The following SEMA6D variants were observed in gnomAD, a reference collection of about 807,000 sequenced individuals.
SEMA6D encodes the protein semaphorin 6D, also known as semaphorin-6D.
SEMA6D carries 35 observed loss-of-function variants against 106.6 expected under a neutral mutation model. That is an observed-to-expected ratio of 0.33 (90% CI 0.25 to 0.44). SEMA6D has a LOEUF of 0.44. SEMA6D is among the 20% of genes least tolerant of loss of function. The pLI is 1.00. For missense variants in SEMA6D, 1,185 were observed against 1,345.9 expected, an observed-to-expected ratio of 0.88 and a Z score of 1.87; for synonymous variants, 499 against 487.7, an observed-to-expected ratio of 1.02 and a Z score of -0.31.
chr15:47,727,359 A>T (rs2079824126), intron 1 of SEMA6D, among the ~76,000 whole-genome samples: 1 of 152,176 alleles, frequency 6.6e-6, no homozygotes, highest in Admixed American at 6.5e-5. Flanking sequence ...TTTAAGGAAC[A>T]CTTCAGGTAA....
intron 1 of SEMA6D, among the ~76,000 whole-genome samples, chr15:47,219,895 G>A (rs1414395718): frequency 6.6e-6 from 1 of 152,144 alleles, no homozygotes; most frequent in Admixed American, 6.5e-5. Flanking sequence ...CAGCTTTAGC[G>A]ATCTTAGTTG....
chr15:47,573,899 C>G (rs2076110216), intron 3 of SEMA6D, among the ~76,000 whole-genome samples: 1 of 152,212 alleles, frequency 6.6e-6, no homozygotes, highest in Non-Finnish European at 1.5e-5. Context: ...TTCAACATAT[C>G]CCTCATTTCT....
intron 4 of SEMA6D, among the ~76,000 whole-genome samples, chr15:47,616,402 C>T (rs1211941683): frequency 1.3e-5 from 2 of 151,960 alleles, no homozygotes; most frequent in East Asian, 1.9e-4. Context: ...GATCTCCTGA[C>T]CTTGTGGTCC....
At chr15:47,215,153 A>G in intron 1 of SEMA6D, among the ~76,000 whole-genome samples, 1 of 148,804 alleles carries the variant, frequency 6.7e-6, no homozygotes, top group East Asian at 1.9e-4. Context: ...TTAAATTCAA[A>G]CAAACATCTG....
At position 47,760,350 on chromosome 15, in the gene SEMA6D, A is replaced by G; in HGVS notation, c.156A>G (p.Glu52=). Residue 52 remains glutamate, a synonymous_variant, in exon 3 of 19, where the codon GAA becomes GAG. Coordinates refer to ENST00000536845, the MANE Select transcript of SEMA6D (RefSeq NM_001358351.3). The part of the protein sequence containing the change: ...PVFRGRPSGN[E]SQHRLDFQLM... The stretch of plus-strand genomic sequence containing the variant: ...TTAGAGGACGCCCTTCAGGCAATGA[A>G]TCGCAGCACAGGCTGGACTTTCAGC... 6.2e-7 allele frequency: 1 copy of G among 1,613,688 alleles called. No individual in the cohort carries two copies. Among genetic ancestry groups the G allele is most frequent in the Non-Finnish European group, 8.5e-7 (1 of 1,179,680 alleles).
chr15:47,631,957 C>T (rs556758513), intron 4 of SEMA6D, among the ~76,000 whole-genome samples: 1 of 152,080 alleles, frequency 6.6e-6, no homozygotes, highest in South Asian at 2.1e-4. Context: ...TTAGCTGCAT[C>T]CCACATAATT....
rs779430400 is a variant in SEMA6D, at chr15:47,620,746, T to C, written c.-55+19850T>C. On this transcript the variant is annotated intron_variant, in intron 4 of 19. Coordinates refer to the SEMA6D transcript ENST00000558014. ...TATATATATTCTTTGTGCAAATATT[T>C]TATTGTGAGTGTGGGTTTTTTTTAA... 2.7e-3 allele frequency among the ~76,000 whole-genome samples: 410 copies of C among 151,774 alleles called. 3 individuals carry two copies. The highest frequency in any genetic ancestry group is 5.1e-3 in the Admixed American group (77 of 15,220).
intron 3 of SEMA6D, among the ~76,000 whole-genome samples, chr15:47,549,803 AAATT>A (rs1393611574): frequency 6.6e-6 from 1 of 152,196 alleles, no homozygotes; most frequent in Non-Finnish European, 1.5e-5. Flanking sequence ...GCCTTTAAGA[AAATT>A]AAAGGGATTT....
chr15:47,440,815 C>T (rs547836179), intron 2 of SEMA6D, among the ~76,000 whole-genome samples: 5 of 152,046 alleles, frequency 3.3e-5, no homozygotes, highest in South Asian at 2.1e-4. Context: ...TATATGCATT[C>T]GAATAGTTTA....
chr15:47,411,141 GC>G (rs2040781378), intron 1 of SEMA6D, among the ~76,000 whole-genome samples: 2 of 151,828 alleles, frequency 1.3e-5, no homozygotes, highest in Non-Finnish European at 2.9e-5. Context: ...TGTTGCCCAG[GC>G]TGGAGTGCAG....
chr15:47,266,151 C>G (rs2034306628), intron 1 of SEMA6D, among the ~76,000 whole-genome samples: 1 of 152,234 alleles, frequency 6.6e-6, no homozygotes. Flanking sequence ...TTCTGACAAT[C>G]TGCTCCACAG....
At chr15:47,260,141 A>G (rs1194534936) in intron 1 of SEMA6D, among the ~76,000 whole-genome samples, 2 of 152,018 alleles carry the variant, frequency 1.3e-5, no homozygotes, top group African/African-American at 2.4e-5. Context: ...TAAAAATATT[A>G]TACCTTCAAA....
chr15:47,215,070 A>G (rs992381498), intron 1 of SEMA6D, among the ~76,000 whole-genome samples: 2 of 126,388 alleles, frequency 1.6e-5, no homozygotes, highest in African/African-American at 3.3e-5. Context: ...CTAGACAGAA[A>G]TAGATTTTCA....
At chr15:47,750,496 C>T (rs987013316) in intron 1 of SEMA6D, among the ~76,000 whole-genome samples, 5 of 152,138 alleles carry the variant, frequency 3.3e-5, no homozygotes, top group Non-Finnish European at 7.3e-5. Context: ...CTGCCAGTGT[C>T]GGTGGGAGAA....
At chr15:47,770,197 T>C (rs947801871) in intron 18 of SEMA6D, among the ~76,000 whole-genome samples, 3 of 152,198 alleles carry the variant, frequency 2.0e-5, no homozygotes, top group Non-Finnish European at 4.4e-5. Flanking sequence ...ATTTTTTAGA[T>C]AGAAACTCTT....
At chr15:47,555,291 G>T (rs2045884039) in intron 3 of SEMA6D, among the ~76,000 whole-genome samples, 1 of 152,050 alleles carries the variant, frequency 6.6e-6, no homozygotes, top group African/African-American at 2.4e-5. Context: ...CCTCCCCACA[G>T]TCATGGTTCT....
chr15:47,710,477 G>GA (rs1425005251), intron 4 of SEMA6D, among the ~76,000 whole-genome samples: 1 of 152,120 alleles, frequency 6.6e-6, no homozygotes, highest in African/African-American at 2.4e-5. Flanking sequence ...TTATGACCCA[G>GA]AAATTCAGAA....
chr15:47,720,237 A>G (rs2146289764), intron 1 of SEMA6D, among the ~76,000 whole-genome samples: 1 of 143,182 alleles, frequency 7.0e-6, no homozygotes, highest in Non-Finnish European at 1.5e-5. Context: ...TATTCCTCGT[A>G]GGGATGCTAT....
At chr15:47,762,844 C>T (rs1470371015) in intron 8 of SEMA6D, among the ~76,000 whole-genome samples, 172 bp from the exon 9 acceptor site, 3 of 152,122 alleles carry the variant, frequency 2.0e-5, no homozygotes, top group African/African-American at 2.4e-5. Context: ...ATGACTGGTT[C>T]CCTGAAGCTT....
Sources: gnomAD v4.1 joint callset for allele counts (sites outside exome capture counted in the v4.1 genomes callset) on GRCh38, gnomAD v4.1.1 for gene constraint, MANE v1.5 for transcripts, NCBI Gene and HGNC (gene_info 2026-07-23, HGNC 2026-07-21) for gene names.